Variants in TRIO observed in about 807,000 individuals in gnomAD.
The protein encoded by TRIO is triple functional domain protein.
In TRIO, 58 loss-of-function variants were observed where a neutral mutation model predicts 351.9. That is an observed-to-expected ratio of 0.16 (90% confidence interval 0.13 to 0.21). TRIO has a LOEUF of 0.21. Ranked by LOEUF, TRIO falls within the 10% of genes least tolerant of loss-of-function variation. The pLI is 1.00. For missense variants in TRIO, 3,201 were observed against 4,027.8 expected (o/e 0.79, Z 5.56); for synonymous variants, 1,758 against 1,595.7 (o/e 1.10, Z -2.42).
At chr5:14,468,657 T>G (rs1341494277) in intron 37 of TRIO, among the ~76,000 whole-genome samples, 2 of 152,232 alleles carry the variant, frequency 1.3e-5, no homozygotes, top group Non-Finnish European at 2.9e-5. Context: ...TATCCTAAAC[T>G]TATACTGACT....
chr5:14,302,283 T>G (rs774895125), intron 7 of TRIO, among the ~76,000 whole-genome samples: 34 of 152,254 alleles, frequency 2.2e-4, no homozygotes, highest in Non-Finnish European at 4.1e-4. Flanking sequence ...AGAAGCGTTT[T>G]GATCTTAAGA....
intron 1 of TRIO, among the ~76,000 whole-genome samples, chr5:14,172,930 G>A (rs750134551): frequency 6.6e-6 from 1 of 152,172 alleles, no homozygotes; most frequent in African/African-American, 2.4e-5. Flanking sequence ...AAAGATCAGC[G>A]GTGGAGCGAA....
chr5:14,347,847 G>A (rs1326253532), intron 11 of TRIO, among the ~76,000 whole-genome samples: 1 of 152,180 alleles, frequency 6.6e-6, no homozygotes, highest in Non-Finnish European at 1.5e-5. Context: ...AGATACGTCA[G>A]GTGCTAGAAT....
intron 27 of TRIO, among the ~76,000 whole-genome samples, chr5:14,392,449 G>A (rs889722526): frequency 1.3e-5 from 2 of 152,198 alleles, no homozygotes; most frequent in Non-Finnish European, 2.9e-5. Flanking sequence ...TGAGGCTGTG[G>A]AGAAATAGGA....
intron 11 of TRIO, among the ~76,000 whole-genome samples, chr5:14,349,930 A>G (rs1303337558): frequency 6.6e-6 from 1 of 152,030 alleles, no homozygotes; most frequent in Non-Finnish European, 1.5e-5. Flanking sequence ...CTTTGTGTCC[A>G]TGTATTCTTA....
chr5:14,161,918 C>T (rs1561150068), intron 1 of TRIO, among the ~76,000 whole-genome samples: 1 of 152,170 alleles, frequency 6.6e-6, no homozygotes, highest in East Asian at 1.9e-4. Context: ...GGGGTCTTGC[C>T]ATGGAGGCCA....
intron 1 of TRIO, among the ~76,000 whole-genome samples, chr5:14,263,300 G>A (rs530790532): frequency 1.3e-5 from 2 of 152,190 alleles, no homozygotes; most frequent in Non-Finnish European, 2.9e-5. Flanking sequence ...CACTGAGAGA[G>A]GTTTTCAGAT....
chr5:14,242,227 T>C (rs1287459229), intron 1 of TRIO, among the ~76,000 whole-genome samples: 2 of 152,248 alleles, frequency 1.3e-5, no homozygotes, highest in Non-Finnish European at 2.9e-5. Context: ...GTCTACTTCA[T>C]GTTTTCCGTT....
At chr5:14,270,171 G>A (rs1795901349) in intron 1 of TRIO, among the ~76,000 whole-genome samples, 1 of 152,142 alleles carries the variant, frequency 6.6e-6, no homozygotes, top group Non-Finnish European at 1.5e-5. Flanking sequence ...TAAGATATTG[G>A]GAGCAGGGGC....
chr5:14,182,131 A>C (rs1227856082), intron 1 of TRIO, among the ~76,000 whole-genome samples: 1 of 151,798 alleles, frequency 6.6e-6, no homozygotes, highest in Non-Finnish European at 1.5e-5. Context: ...CAACACAGTA[A>C]TGACGTCTCT....
At chr5:14,317,073 A>G (rs1338037095) in intron 9 of TRIO, among the ~76,000 whole-genome samples, 1 of 152,114 alleles carries the variant, frequency 6.6e-6, no homozygotes, top group Non-Finnish European at 1.5e-5. Flanking sequence ...TTTAGTTAAC[A>G]CTTGTCTGCT....
intron 48 of TRIO, among the ~76,000 whole-genome samples, chr5:14,492,002 G>A (rs747475153): frequency 6.6e-6 from 1 of 152,172 alleles, no homozygotes; most frequent in Non-Finnish European, 1.5e-5. Flanking sequence ...GGGGTTCCAT[G>A]TTCTTCTTTT....
chr5:14,262,742 T>A (rs528102168), intron 1 of TRIO, among the ~76,000 whole-genome samples: 15 of 152,102 alleles, frequency 9.9e-5, no homozygotes, highest in East Asian at 7.8e-4. Context: ...GGTTCCTGGT[T>A]TGGCCACGAG....
Position 14,350,666 on chromosome 5 carries a change from G to A in TRIO, c.2047-7512G>A, listed in dbSNP as rs532637495. Among the ~76,000 whole-genome samples, 6 of 152,222 alleles carry A rather than the reference G, an allele frequency of 3.9e-5. No homozygotes were observed. In the South Asian group the frequency reaches 6.2e-4, roughly 16 times the overall value. On this transcript the variant is annotated intron_variant, in intron 11 of 56. Coordinates refer to ENST00000344204, the MANE Select transcript of TRIO (RefSeq NM_007118.4). ...GCATAGCTGCCCTGAATATGCCCCT[G>A]TGTTTCTTCTGCTTTTTCCTCCTTT...
intron 1 of TRIO, among the ~76,000 whole-genome samples, chr5:14,195,662 T>C (rs1489290104): frequency 6.6e-6 from 1 of 152,266 alleles, no homozygotes; most frequent in Non-Finnish European, 1.5e-5. Flanking sequence ...TATTCCACTT[T>C]TGTAGTTTAA....
chr5:14,199,604 GCTT>G (rs925465929), intron 1 of TRIO, among the ~76,000 whole-genome samples: 2 of 152,184 alleles, frequency 1.3e-5, no homozygotes, highest in Non-Finnish European at 2.9e-5. Flanking sequence ...TGGCAGAGAA[GCTT>G]CTTGGGCCTG....
intron 1 of TRIO, among the ~76,000 whole-genome samples, chr5:14,168,887 A>C (rs991478616): frequency 1.3e-5 from 2 of 152,242 alleles, no homozygotes; most frequent in African/African-American, 4.8e-5. Flanking sequence ...CCCAAGGTCT[A>C]TCTGGCATTC....
At chr5:14,473,817 C>A (rs1754852779) in intron 39 of TRIO, among the ~76,000 whole-genome samples, 177 bp from the exon 40 acceptor site, 1 of 152,200 alleles carries the variant, frequency 6.6e-6, no homozygotes, top group African/African-American at 2.4e-5. Context: ...TAGGTATATT[C>A]CAAGTATCAG....
At chr5:14,447,725 T>C (rs1222942859) in intron 34 of TRIO, among the ~76,000 whole-genome samples, 7 of 152,200 alleles carry the variant, frequency 4.6e-5, no homozygotes, top group Non-Finnish European at 7.3e-5. Flanking sequence ...CAAAAATAAA[T>C]ATTCATTATG....
Sources: gnomAD v4.1 joint callset for allele counts (sites outside exome capture counted in the v4.1 genomes callset) on GRCh38, gnomAD v4.1.1 for gene constraint, MANE v1.5 for transcripts, NCBI Gene and HGNC (gene_info 2026-07-23, HGNC 2026-07-21) for gene names.